The following AVIL variants were observed in gnomAD, a reference collection of about 807,000 sequenced individuals.
AVIL encodes the protein advillin.
A neutral mutation model predicts 109.9 loss-of-function variants in AVIL; 78 were observed. The observed-to-expected ratio is 0.71, with a 90% confidence interval of 0.59 to 0.86. The LOEUF is 0.86. Among genes scored for constraint, AVIL ranks in the 40% least tolerant of loss-of-function variants. The pLI, the probability that AVIL is intolerant of heterozygous loss-of-function variation, is 0.00. For synonymous variants in AVIL, 367 were observed against 379.1 expected (o/e 0.97, Z 0.37); for missense variants, 892 against 1,016.5 (o/e 0.88, Z 1.67).
rs563983097 is a variant in AVIL, at chr12:57,806,242, G to A, written c.1671+118C>T. ...CTGTATCATTCCAGTTTTAGTATAT[G>A]TGCTGCCAAAGCAAGCACTCCAGCC... On this transcript the variant is annotated intron_variant, in intron 14 of 19. Transcript: ENST00000549994. 23 of 995,772 alleles carry A rather than the reference G, an allele frequency of 2.3e-5. No individual in the cohort carries two copies. The South Asian group carries it at 2.8e-4, about 12-fold the overall frequency. 61.7% of individuals were successfully genotyped at this position (995,772 alleles called of 1,614,324 possible).
In AVIL at chr12:57,797,874, T is replaced by C. The variant is rs770048756; in HGVS notation, c.*8A>G. The C allele has an allele frequency of 8.7e-6, 14 of 1,607,276 alleles. No individual in the cohort carries two copies. Among genetic ancestry groups the C allele is most frequent in the Non-Finnish European group, 1.1e-5 (13 of 1,176,172 alleles). On this transcript the variant is annotated 3_prime_UTR_variant, in exon 20 of 20. Coordinates refer to ENST00000549994, the MANE Select transcript of AVIL (RefSeq NM_006576.4). ...TGTGGCCTTGCAATAGGTATAGGCC[T>C]TCTTGCTTTAGAAAAGCCCCTTTTC...
intron 9 of AVIL, 32 bp downstream of exon 9, chr12:57,809,565 T>G: frequency 6.2e-7 from 1 of 1,610,636 alleles, no homozygotes; most frequent in Non-Finnish European, 8.5e-7. Context: ...AGCAGAATTA[T>G]TTGAACAGTA....
chr12:57,807,955 A>C, intron 11 of AVIL: 1 of 805,066 alleles, frequency 1.2e-6, no homozygotes. Context: ...CGGTCTTTGC[A>C]AGGCTGAGCA....
In AVIL at chr12:57,809,806, A is replaced by G; in HGVS notation, c.840+6T>C. 1 of 1,614,118 alleles carries G rather than the reference A, an allele frequency of 6.2e-7. No homozygotes were observed. The highest frequency in any genetic ancestry group is 8.5e-7 in the Non-Finnish European group (1 of 1,179,986). ...CCCAAGCTAAGTCCACCCAAACTCT[A>G]CTTACATCATGGTTCAGTAAGTCCT... On this transcript the variant is annotated splice_donor_region_variant and intron_variant, in intron 8 of 19. Coordinates refer to ENST00000549994, the MANE Select transcript of AVIL (RefSeq NM_006576.4).
intron 6 of AVIL, 32 bp from the exon 7 acceptor site, chr12:57,810,583 C>T (rs767646037): frequency 6.2e-7 from 1 of 1,608,110 alleles, no homozygotes; most frequent in Non-Finnish European, 8.5e-7. Context: ...GCCCTCAGCT[C>T]CTCTGGGACC....
At chr12:57,801,998 G>A (rs370524687) in intron 17 of AVIL, among the ~76,000 whole-genome samples, 162 bp downstream of exon 17, 3 of 152,212 alleles carry the variant, frequency 2.0e-5, no homozygotes, top group South Asian at 4.1e-4. Flanking sequence ...TGCTGTGGCA[G>A]GTGAAAAAGA....
chr12:57,801,941 C>G (rs1426846191), intron 17 of AVIL, among the ~76,000 whole-genome samples: 1 of 152,194 alleles, frequency 6.6e-6, no homozygotes, highest in Non-Finnish European at 1.5e-5. Flanking sequence ...TTATACTTCA[C>G]ACTGCTTATT....
In AVIL at chr12:57,802,350, T is replaced by A; in HGVS notation, c.1963-2A>T. ...CTCAGCCCCAATCCACAAGAACACCTGTTAAGGTGGAGATTTAATATATGT... is the reference window on the plus strand; with the variant it reads ...CTCAGCCCCAATCCACAAGAACACCAGTTAAGGTGGAGATTTAATATATGT... On this transcript the variant is annotated splice_acceptor_variant, in intron 16 of 19. Transcript: ENST00000549994. LOFTEE classifies it high-confidence loss of function. The A allele has an allele frequency of 6.2e-7, 1 of 1,607,468 alleles. No individual in the cohort carries two copies. Among genetic ancestry groups the A allele is most frequent in the Non-Finnish European group, 8.5e-7 (1 of 1,176,480 alleles).
chr12:57,800,712 G>GTTC (rs773544031), intron 18 of AVIL: 29 of 155,514 alleles, frequency 1.9e-4, no homozygotes, highest in Admixed American at 8.8e-4. Context: ...GGTTCAAGCA[G>GTTC]TTCTCCTGTC....
In AVIL at chr12:57,803,404, C is replaced by T; in HGVS notation, c.1818-13G>A. The T allele has an allele frequency of 6.2e-7, 1 of 1,614,104 alleles. No homozygotes were observed. On this transcript the variant is annotated splice_polypyrimidine_tract_variant and intron_variant, in intron 15 of 19. Transcript: ENST00000549994. ...TTCCTGCTGAAGTCTGCAATATAGT[C>T]CATTTAAGGGCATCAAGCTGCTTAG...
rs764262075 is a variant in AVIL at position 57,803,271 on chromosome 12, C to A, written c.1938G>T (p.Val646=). 1.2e-6 allele frequency: 2 copies of A among 1,614,100 alleles called. No individual in the cohort carries two copies. ...FTQDDLNPTD[V]MLLDTWDQVF... is the part of the protein sequence containing the mutation. ...CCTGGTCCCAGGTATCTAGGAGCAT[C>A]ACGTCAGTAGGGTTCAGGTCATCCT... The change falls in exon 16 of 20, where the codon GTG becomes GTT. Residue 646 remains valine (V), a synonymous_variant. Coordinates refer to ENST00000549994, the MANE Select transcript of AVIL (RefSeq NM_006576.4).
chr12:57,797,877 T>C lies in AVIL; in HGVS notation c.*5A>G. On this transcript the variant is annotated 3_prime_UTR_variant, in exon 20 of 20. Coordinates refer to ENST00000549994, the MANE Select transcript of AVIL (RefSeq NM_006576.4). ...GGCCTTGCAATAGGTATAGGCCTTCTTGCTTTAGAAAAGCCCCTTTTCTTT... is the reference window on the plus strand; with the variant it reads ...GGCCTTGCAATAGGTATAGGCCTTCCTGCTTTAGAAAAGCCCCTTTTCTTT... 1 of 1,608,840 alleles carries C rather than the reference T, an allele frequency of 6.2e-7. No homozygotes were observed. Among genetic ancestry groups the C allele is most frequent in the Non-Finnish European group, 8.5e-7 (1 of 1,177,324 alleles).
chr12:57,802,222 G>A lies in AVIL; in HGVS notation c.2089C>T (p.Gln697Ter). Residue 697 changes from glutamine (Q) to a stop codon, truncating the protein, a stop_gained, in exon 17 of 20, where the codon CAG becomes TAG. Transcript: ENST00000549994. LOFTEE classifies it high-confidence loss of function. ...GTGAAGATGGGAGGCTCAAACCCCT[G>A]CTTAATGATCAGGATTGGTGTGTCG... ...DPDTPILIIKQGFEPPIFTGW... is the reference protein window; with the variant it reads ...DPDTPILIIK The A allele has an allele frequency of 3.7e-6, 6 of 1,614,148 alleles. No homozygotes were observed. Among genetic ancestry groups the A allele is most frequent in the Non-Finnish European group, 4.2e-6 (5 of 1,179,970 alleles).
rs774747565 is a variant in AVIL at position 57,813,268 on chromosome 12, A to G, written c.297T>C (p.His99=). The G allele has an allele frequency of 8.7e-6, 14 of 1,612,788 alleles. No individual in the cohort carries two copies. The highest frequency in any genetic ancestry group is 2.2e-5 in the East Asian group (1 of 44,828). The part of the protein sequence containing the change: ...SPVQHREVQY[H]ESDTFRGYFK... ...AGTAGCCACGGAAAGTGTCTGACTCATGGTACTGGACCTCTCGGTGCTGCA... is the reference window on the plus strand; with the variant it reads ...AGTAGCCACGGAAAGTGTCTGACTCGTGGTACTGGACCTCTCGGTGCTGCA... The change falls in exon 4 of 20, where the codon CAT becomes CAC. Residue 99 remains histidine (H), a synonymous_variant. Transcript: ENST00000549994.
chr12:57,810,318 C>G (rs1956018269), intron 7 of AVIL, 31 bp downstream of exon 7: 1 of 1,611,914 alleles, frequency 6.2e-7, no homozygotes. Flanking sequence ...CCAACCCCAG[C>G]TTCCAGCTAA....
Position 57,818,181 on chromosome 12 carries a change from G to GC in AVIL, c.-20+447dup, listed in dbSNP as rs1730672464. The stretch of plus-strand genomic sequence containing the variant: ...CCACAGGTGTGCACCACCATGCTTG[G>GC]CTTTTTTTTTTTTTTTTTTTTTTTT... On this transcript the variant is annotated intron_variant, in intron 1 of 19. Transcript: ENST00000549994. 1.0e-4 allele frequency among the ~76,000 whole-genome samples: 6 copies of GC among 59,396 alleles called. 1 individual carries two copies. Among genetic ancestry groups the GC allele is most frequent in the African/African-American group, 3.2e-4 (6 of 19,038 alleles). 39.0% of individuals were successfully genotyped at this position (59,396 alleles called of 152,430 possible).
Position 57,802,209 on chromosome 12 carries a change from G to A in AVIL, c.2102C>T (p.Pro701Leu). 6.2e-7 allele frequency: 1 copy of A among 1,614,060 alleles called. No individual in the cohort carries two copies. Residue 701 changes from proline to leucine, a missense_variant, in exon 17 of 20, where the codon CCT (proline) becomes CTT (leucine). By Grantham distance (98) the Pro-to-Leu change is moderately conservative. Coordinates refer to ENST00000549994, the MANE Select transcript of AVIL (RefSeq NM_006576.4). ...PILIIKQGFE[P>L]PIFTGWFLAW... ...TAGGAACCAGCCTGTGAAGATGGGA[G>A]GCTCAAACCCCTGCTTAATGATCAG...
In AVIL at chr12:57,808,212, A is replaced by T; in HGVS notation, c.1176T>A (p.Asp392Glu). The T allele has an allele frequency of 6.2e-7, 1 of 1,614,212 alleles. No homozygotes were observed. Among genetic ancestry groups the T allele is most frequent in the Non-Finnish European group, 8.5e-7 (1 of 1,180,036 alleles). The change falls in exon 11 of 20, where the codon GAT becomes GAA. Residue 392 changes from aspartate (D) to glutamate (E), a missense_variant. Asp to Glu is a conservative substitution (Grantham distance 45). Transcript: ENST00000549994. ...GGCTTACCTCAACTTTTCCGTTGCC[A>T]TCATCGACCATTCTTTCCTGGGCAG... ...EVAAQERMVDDGNGKVEVWRI... is the reference protein window; with the variant it reads ...EVAAQERMVDEGNGKVEVWRI...
chr12:57,805,033 T>C (rs2140445469), intron 14 of AVIL, among the ~76,000 whole-genome samples: 1 of 152,250 alleles, frequency 6.6e-6, no homozygotes, highest in East Asian at 1.9e-4. Context: ...CTTTTCCTGT[T>C]CTTTTTTGTA....
Sources: allele counts gnomAD v4.1 joint callset (sites outside exome capture counted in the v4.1 genomes callset), GRCh38; gene constraint gnomAD v4.1.1; transcripts MANE v1.5; gene names NCBI Gene and HGNC (gene_info 2026-07-23, HGNC 2026-07-21).